PDE4D: variants seen among roughly 807,000 people sequenced by gnomAD.
PDE4D encodes the protein 3',5'-cyclic-AMP phosphodiesterase 4D.
A neutral mutation model predicts 87.4 loss-of-function variants in PDE4D; 24 were observed. That is an observed-to-expected ratio of 0.27 (90% confidence interval 0.20 to 0.39). PDE4D has a LOEUF of 0.39. PDE4D is among the 10% of genes least tolerant of loss of function. The probability of loss-of-function intolerance (pLI) is 1.00; values close to 1 mark genes in which losing one functional copy is unlikely to be tolerated. For synonymous variants in PDE4D, 384 were observed against 383.2 expected (o/e 1.00, Z -0.02); for missense variants, 714 against 1,041.0 (o/e 0.69, Z 4.32).
chr5:59,528,127 A>C (rs1166561305), intron 1 of PDE4D, among the ~76,000 whole-genome samples: 1 of 152,194 alleles, frequency 6.6e-6, no homozygotes, highest in Non-Finnish European at 1.5e-5. Context: ...GTAATCTAAT[A>C]GGGGCACTGT....
At chr5:58,977,655 G>C (rs567685422) in intron 11 of PDE4D, among the ~76,000 whole-genome samples, 2 of 152,230 alleles carry the variant, frequency 1.3e-5, no homozygotes, top group South Asian at 4.1e-4. Flanking sequence ...GAGCTCAGCA[G>C]AATATGACAT....
intron 1 of PDE4D, among the ~76,000 whole-genome samples, chr5:59,293,263 C>A (rs1018144936): frequency 3.3e-5 from 5 of 152,060 alleles, no homozygotes; most frequent in African/African-American, 7.2e-5. Flanking sequence ...TGTGTTAAAT[C>A]ATTCTTTTAA....
chr5:59,230,611 T>C (rs1754950983), intron 1 of PDE4D, among the ~76,000 whole-genome samples: 1 of 152,178 alleles, frequency 6.6e-6, no homozygotes. Flanking sequence ...AAAGTAATAG[T>C]TCTACTATAA....
chr5:60,069,120 A>G (rs1419421140), intron 2 of PDE4D, among the ~76,000 whole-genome samples: 2 of 152,168 alleles, frequency 1.3e-5, no homozygotes, highest in Non-Finnish European at 2.9e-5. Flanking sequence ...CTCTATGTGT[A>G]TTCTTGACAC....
intron 3 of PDE4D, among the ~76,000 whole-genome samples, chr5:59,973,699 A>T (rs1364687402): frequency 1.3e-5 from 2 of 152,162 alleles, no homozygotes; most frequent in East Asian, 3.9e-4. Flanking sequence ...ATTTCTTCTT[A>T]AGACAAATGA....
intron 5 of PDE4D, among the ~76,000 whole-genome samples, chr5:59,156,335 G>GTA (rs1480199139): frequency 1.9e-5 from 1 of 53,104 alleles, no homozygotes; most frequent in Non-Finnish European, 4.2e-5. Context: ...ATATATATGT[G>GTA]TGTGTGTGTG....
chr5:59,686,679 T>G (rs1190279000), intron 1 of PDE4D, among the ~76,000 whole-genome samples: 1 of 152,156 alleles, frequency 6.6e-6, no homozygotes, highest in Non-Finnish European at 1.5e-5. Context: ...ACAGGTTATA[T>G]CTCAACACAA....
At chr5:59,915,184 A>G (rs1477924323) in intron 3 of PDE4D, among the ~76,000 whole-genome samples, 1 of 152,166 alleles carries the variant, frequency 6.6e-6, no homozygotes. Context: ...TGGACATATT[A>G]ACTCTCTTTT....
At chr5:59,120,367 A>C (rs903258061) in intron 5 of PDE4D, among the ~76,000 whole-genome samples, 3 of 152,208 alleles carry the variant, frequency 2.0e-5, no homozygotes, top group Non-Finnish European at 4.4e-5. Context: ...CTTCACTAAG[A>C]GGAGGTCAGA....
intron 1 of PDE4D, chr5:59,768,716 C>T: frequency 8.0e-7 from 1 of 1,256,840 alleles, no homozygotes; most frequent in Non-Finnish European, 1.1e-6. Flanking sequence ...CGTCACCCCT[C>T]CTCTCCCAAG....
chr5:60,294,607 A>G (rs1357647890), intron 1 of PDE4D, among the ~76,000 whole-genome samples: 1 of 152,152 alleles, frequency 6.6e-6, no homozygotes. Context: ...TTTCATTTAT[A>G]AATAAGCCTC....
chr5:59,939,262 C>G (rs1756927789), intron 3 of PDE4D, among the ~76,000 whole-genome samples: 1 of 151,992 alleles, frequency 6.6e-6, no homozygotes, highest in Admixed American at 6.6e-5. Flanking sequence ...TATAGTTGAA[C>G]CTAACTTATT....
At chr5:59,048,467 CATTT>C (rs1269942253) in intron 5 of PDE4D, among the ~76,000 whole-genome samples, 2 of 152,108 alleles carry the variant, frequency 1.3e-5, no homozygotes, top group Non-Finnish European at 2.9e-5. Flanking sequence ...CTCTAACATT[CATTT>C]ATTATCTGAT....
chr5:59,676,631 A>G (rs922294213), intron 1 of PDE4D, among the ~76,000 whole-genome samples: 35 of 152,304 alleles, frequency 2.3e-4, no homozygotes, highest in Non-Finnish European at 1.0e-4. Context: ...AAGGATATAT[A>G]AGGTGTATAC....
At chr5:58,980,266 T>C (rs1744793628) in intron 11 of PDE4D, among the ~76,000 whole-genome samples, 1 of 152,084 alleles carries the variant, frequency 6.6e-6, no homozygotes, top group Non-Finnish European at 1.5e-5. Context: ...ATGAAGAAAA[T>C]GTACCTCAGA....
At chr5:59,367,979 C>T (rs1432551804) in intron 1 of PDE4D, among the ~76,000 whole-genome samples, 1 of 152,212 alleles carries the variant, frequency 6.6e-6, no homozygotes, top group African/African-American at 2.4e-5. Context: ...GCACAGCGCC[C>T]TCTTGTGAAG....
intron 1 of PDE4D, chr5:59,275,988 G>T: frequency 2.0e-6 from 2 of 985,236 alleles, no homozygotes; most frequent in Non-Finnish European, 2.4e-6. Flanking sequence ...AGTAATTTCT[G>T]TGTGTCCCTG....
intron 2 of PDE4D, among the ~76,000 whole-genome samples, chr5:60,017,995 G>A (rs142224686): frequency 2.4e-3 from 362 of 152,144 alleles, no homozygotes; most frequent in African/African-American, 8.2e-3. Flanking sequence ...AATTCTGACC[G>A]GCATGAGATG....
intron 1 of PDE4D, among the ~76,000 whole-genome samples, chr5:60,195,559 A>G (rs1741118507): frequency 6.6e-6 from 1 of 151,716 alleles, no homozygotes; most frequent in Admixed American, 6.6e-5. Flanking sequence ...GATAACAGCA[A>G]TCTATTTTAC....
Sources: gnomAD v4.1 joint callset for allele counts (sites outside exome capture counted in the v4.1 genomes callset) on GRCh38, gnomAD v4.1.1 for gene constraint, MANE v1.5 for transcripts, NCBI Gene and HGNC (gene_info 2026-07-23, HGNC 2026-07-21) for gene names.